Variants in RPL39L observed in about 807,000 individuals in gnomAD.
RPL39L encodes ribosomal protein L39 like.
For synonymous variants in RPL39L, 16 were observed against 20.1 expected (o/e 0.80, Z 0.55); for missense variants, 48 against 58.9 (o/e 0.81, Z 0.61).
At chr3:187,137,587 C>G (rs534892415) in intron 1 of RPL39L, among the ~76,000 whole-genome samples, 4 of 151,928 alleles carry the variant, frequency 2.6e-5, no homozygotes, top group Non-Finnish European at 5.9e-5. Flanking sequence ...CTGATGCGGG[C>G]AGATCATCTG....
At chr3:187,135,912 G>A (rs896890631) in intron 1 of RPL39L, among the ~76,000 whole-genome samples, 1 of 152,250 alleles carries the variant, frequency 6.6e-6, no homozygotes, top group East Asian at 1.9e-4. Context: ...GAGAGACAGA[G>A]CAAGAGAGAT....
chr3:187,134,118 A>G (rs1384190782), intron 1 of RPL39L, among the ~76,000 whole-genome samples: 1 of 152,198 alleles, frequency 6.6e-6, no homozygotes, highest in African/African-American at 2.4e-5. Flanking sequence ...TTAATATATT[A>G]ATCATATATA....
chr3:187,127,558 A>G (rs1720420030), intron 2 of RPL39L, among the ~76,000 whole-genome samples: 1 of 152,200 alleles, frequency 6.6e-6, no homozygotes, highest in Non-Finnish European at 1.5e-5. Context: ...TAAACTACAC[A>G]TTTACACTTT....
intron 2 of RPL39L, among the ~76,000 whole-genome samples, chr3:187,124,635 G>A (rs561830313): frequency 1.5e-4 from 23 of 152,082 alleles, no homozygotes; most frequent in African/African-American, 5.1e-4. Flanking sequence ...TGCTCATAAG[G>A]GTCCCATTCT....
chr3:187,130,570 C>T (rs1056253557), intron 1 of RPL39L, among the ~76,000 whole-genome samples: 2 of 152,142 alleles, frequency 1.3e-5, no homozygotes, highest in Admixed American at 6.5e-5. Flanking sequence ...TCACCTTCTG[C>T]CATGAGTAAA....
chr3:187,132,376 G>A (rs1455402109), intron 1 of RPL39L, among the ~76,000 whole-genome samples: 1 of 152,184 alleles, frequency 6.6e-6, no homozygotes, highest in Non-Finnish European at 1.5e-5. Context: ...CTCAGTTTCT[G>A]GGGGTAAAGT....
intron 1 of RPL39L, among the ~76,000 whole-genome samples, chr3:187,133,194 G>C (rs1029237006): frequency 6.6e-6 from 1 of 152,050 alleles, no homozygotes; most frequent in Non-Finnish European, 1.5e-5. Context: ...AGATCTATTA[G>C]GGGAAGATAT....
chr3:187,127,202 G>A (rs1281771188), intron 2 of RPL39L, among the ~76,000 whole-genome samples: 1 of 152,196 alleles, frequency 6.6e-6, no homozygotes, highest in Admixed American at 6.5e-5. Flanking sequence ...CCCAGCATCT[G>A]TGTTTTAAAA....
At chr3:187,134,837 G>A (rs750839925) in intron 1 of RPL39L, among the ~76,000 whole-genome samples, 10 of 152,210 alleles carry the variant, frequency 6.6e-5, no homozygotes, top group African/African-American at 9.6e-5. Context: ...GAATGCTTGA[G>A]CTTCAACTCC....
At chr3:187,136,793 TAAA>T (rs1223857804) in intron 1 of RPL39L, among the ~76,000 whole-genome samples, 1 of 152,184 alleles carries the variant, frequency 6.6e-6, no homozygotes, top group East Asian at 1.9e-4. Flanking sequence ...TGAGTCATGT[TAAA>T]AAATAAATAG....
chr3:187,132,689 A>G (rs1412692196), intron 1 of RPL39L, among the ~76,000 whole-genome samples: 1 of 152,180 alleles, frequency 6.6e-6, no homozygotes, highest in Non-Finnish European at 1.5e-5. Context: ...TCTGCCTAGG[A>G]TGTAGAAACC....
At position 187,130,168 on chromosome 3, in the gene RPL39L, G is replaced by A. The variant is rs986212011; in HGVS notation, c.-92-2106C>T. Among the ~76,000 whole-genome samples, 7 of 152,230 alleles carry A rather than the reference G, an allele frequency of 4.6e-5. No individual in the cohort carries two copies. In the South Asian group the frequency reaches 1.0e-3, roughly 23 times the overall value. ...GTATCCTCTTACAAGAACCAGTCTT[G>A]GGATTTGTGAGATATTCTAGTCATT... On this transcript the variant is annotated intron_variant, in intron 1 of 2. Coordinates refer to ENST00000296277, the MANE Select transcript of RPL39L (RefSeq NM_052969.3).
chr3:187,136,515 T>C (rs1720583089), intron 1 of RPL39L, among the ~76,000 whole-genome samples: 1 of 152,230 alleles, frequency 6.6e-6, no homozygotes, highest in African/African-American at 2.4e-5. Flanking sequence ...CATCTGTAAT[T>C]AGGCTGTGGT....
At chr3:187,129,692 C>A (rs1019737702) in intron 1 of RPL39L, among the ~76,000 whole-genome samples, 5 of 152,270 alleles carry the variant, frequency 3.3e-5, no homozygotes, top group Admixed American at 2.6e-4. Flanking sequence ...TTAATGTCTA[C>A]AAATTGTACT....
At chr3:187,132,186 T>C (rs954469219) in intron 1 of RPL39L, among the ~76,000 whole-genome samples, 1 of 152,194 alleles carries the variant, frequency 6.6e-6, no homozygotes, top group Non-Finnish European at 1.5e-5. Context: ...ATAAACCAAA[T>C]ATGCCCCCAG....
chr3:187,122,480 C>CGG (rs1720330239), intron 2 of RPL39L, among the ~76,000 whole-genome samples: 1 of 152,084 alleles, frequency 6.6e-6, no homozygotes, highest in Non-Finnish European at 1.5e-5. Context: ...AGTGTCTAAC[C>CGG]CAGTCTCTTC....
chr3:187,121,790 C>A (rs918265615), intron 2 of RPL39L, among the ~76,000 whole-genome samples: 3 of 152,184 alleles, frequency 2.0e-5, no homozygotes, highest in African/African-American at 7.2e-5. Context: ...CCAGTTAAGA[C>A]AGATGTACAT....
intron 1 of RPL39L, among the ~76,000 whole-genome samples, chr3:187,136,784 G>A (rs541929598): frequency 1.3e-5 from 2 of 152,158 alleles, no homozygotes; most frequent in African/African-American, 4.8e-5. Context: ...AAAATTTTCT[G>A]AGTCATGTTA....
chr3:187,138,962 G>A (rs957925474), intron 1 of RPL39L, among the ~76,000 whole-genome samples: 13 of 152,214 alleles, frequency 8.5e-5, no homozygotes, highest in African/African-American at 3.1e-4. Flanking sequence ...AGGAGGCTAA[G>A]GCGGGAGAAT....
Sources: allele counts gnomAD v4.1 joint callset (sites outside exome capture counted in the v4.1 genomes callset), GRCh38; gene constraint gnomAD v4.1.1; transcripts MANE v1.5; gene names NCBI Gene and HGNC (gene_info 2026-07-23, HGNC 2026-07-21).